The following ZUP1 variants were observed in gnomAD, a reference collection of about 807,000 sequenced individuals.
ZUP1 encodes the protein zinc finger containing ubiquitin peptidase 1.
In ZUP1, 55 loss-of-function variants were observed where a neutral mutation model predicts 68.1. The ratio of observed to expected loss-of-function variants is 0.81; its 90% CI spans 0.65 to 1.01. The LOEUF (loss-of-function observed/expected upper bound fraction) is 1.01, where lower values mean the gene tolerates loss of function less well. Ranked by LOEUF, ZUP1 falls within the 50% of genes least tolerant of loss-of-function variation. ZUP1 has a pLI of 0.00. For synonymous variants in ZUP1, 223 were observed against 221.5 expected (o/e 1.01, Z -0.06); for missense variants, 684 against 674.9 (o/e 1.01, Z -0.15).
At chr6:116,643,569 G>C (rs972770681) in intron 9 of ZUP1, among the ~76,000 whole-genome samples, 5 of 152,098 alleles carry the variant, frequency 3.3e-5, no homozygotes, top group African/African-American at 9.7e-5. Context: ...ACAAACCTGA[G>C]AAAAACAAGC....
At chr6:116,667,809 G>T (rs998028403) in intron 1 of ZUP1, among the ~76,000 whole-genome samples, 1 of 152,094 alleles carries the variant, frequency 6.6e-6, no homozygotes, top group Admixed American at 6.5e-5. Flanking sequence ...TGTACTCTCA[G>T]CCCCAAGAAT....
intron 5 of ZUP1, among the ~76,000 whole-genome samples, chr6:116,654,855 A>C (rs1272474958): frequency 1.3e-5 from 2 of 152,084 alleles, no homozygotes; most frequent in African/African-American, 4.8e-5. Flanking sequence ...TTAAATAGCA[A>C]AAATTTAAAA....
chr6:116,649,949 TAGAA>T (rs775069883), intron 7 of ZUP1, among the ~76,000 whole-genome samples: 3 of 151,596 alleles, frequency 2.0e-5, no homozygotes, highest in Non-Finnish European at 2.9e-5. Context: ...ATGCAGGCAA[TAGAA>T]AGAAAACATT....
chr6:116,639,876 G>A lies in ZUP1; in HGVS notation c.1690-3997C>T, dbSNP rs544903278. ...AAGTTGAGAGAAGAAGGCTTCAGAC[G>A]ATCAAACTACTCCGAGCTACAGGAT... On this transcript the variant is annotated intron_variant, in intron 9 of 9. Coordinates refer to ENST00000368576, the MANE Select transcript of ZUP1 (RefSeq NM_145062.3). 7.9e-5 allele frequency among the ~76,000 whole-genome samples: 12 copies of A among 152,316 alleles called. No individual in the cohort carries two copies. The South Asian group carries it at 8.3e-4, about 11-fold the overall frequency.
Position 116,652,016 on chromosome 6 carries a change from C to A in ZUP1, c.1138G>T (p.Asp380Tyr), listed in dbSNP as rs374013605. Residue 380 changes from aspartate to tyrosine, a missense_variant, in exon 6 of 10, where the codon GAT becomes TAT. Physicochemically the swap from Asp to Tyr is radical, Grantham distance 160 (BLOSUM62 -3). Transcript: ENST00000368576. ...SSLLQNDAYN[D>Y]CLKGMLIPCI... Reference sequence around the variant, plus strand: ...AGATTTCACATACCTTTTAAGCAATCGTTGTAAGCATCATTTTGTAATAAT... The same window carrying A: ...AGATTTCACATACCTTTTAAGCAATAGTTGTAAGCATCATTTTGTAATAAT... 1 of 1,613,644 alleles carries A rather than the reference C, an allele frequency of 6.2e-7. No individual in the cohort carries two copies.
At chr6:116,642,972 AAGCAACTTC>A (rs1176832806) in intron 9 of ZUP1, among the ~76,000 whole-genome samples, 1 of 152,228 alleles carries the variant, frequency 6.6e-6, no homozygotes, top group African/African-American at 2.4e-5. Flanking sequence ...TTAAGTTGAT[AAGCAACTTC>A]AGCAAAGTCT....
chr6:116,650,954 C>T (rs7743637), intron 7 of ZUP1, among the ~76,000 whole-genome samples: 55,206 of 151,744 alleles, frequency 0.36, 10,672 homozygotes, highest in African/African-American at 0.5. Flanking sequence ...AAAAATGCTA[C>T]ATGACAATAG....
In ZUP1 at chr6:116,645,810, G is replaced by T. The variant is rs1194216166; in HGVS notation, c.1593C>A (p.Ser531Arg). 1 of 1,613,882 alleles carries T rather than the reference G, an allele frequency of 6.2e-7. No homozygotes were observed. The highest frequency in any genetic ancestry group is 1.7e-5 in the Admixed American group (1 of 60,010). ...QKLLKQDIEA[S>R]SLKQLRKSMG... ...TAGATTTCCGAAGTTGCTTGAGACT[G>T]CTAGCCTCTATGTCTTGCTTTAATA... The change falls in exon 9 of 10, where the codon AGC becomes AGA. Residue 531 changes from serine to arginine, a missense_variant. Coordinates refer to ENST00000368576, the MANE Select transcript of ZUP1 (RefSeq NM_145062.3).
chr6:116,649,737 C>T (rs897391577), intron 7 of ZUP1, among the ~76,000 whole-genome samples: 5 of 152,258 alleles, frequency 3.3e-5, no homozygotes, highest in African/African-American at 1.2e-4. Context: ...AGTAACCTTC[C>T]GCCTTCCACC....
At position 116,650,422 on chromosome 6, in the gene ZUP1, C is replaced by CAAAAA. The variant is rs61692064; in HGVS notation, c.1316+1145_1316+1149dup. Among the ~76,000 whole-genome samples the CAAAAA allele has an allele frequency of 3.9e-3, 179 of 46,278 alleles. 3 individuals are homozygous for CAAAAA. Among genetic ancestry groups the CAAAAA allele is most frequent in the African/African-American group, 5.5e-3 (60 of 10,816 alleles). The allele number at this position is 46,278 out of a possible 152,430, so 30.4% of individuals were successfully genotyped here. ...GGGCAACACAGCAAAAACTCCGTCTCAAAAAAAAAAAAAAAAAAAAAAAGA... is the reference window on the plus strand; with the variant it reads ...GGGCAACACAGCAAAAACTCCGTCTCAAAAAAAAAAAAAAAAAAAAAAAAAAAAGA... On this transcript the variant is annotated intron_variant, in intron 7 of 9. Coordinates refer to ENST00000368576, the MANE Select transcript of ZUP1 (RefSeq NM_145062.3).
Position 116,666,937 on chromosome 6 carries a change from C to A in ZUP1, c.256G>T (p.Glu86Ter). The A allele has an allele frequency of 6.2e-7, 1 of 1,613,406 alleles. No homozygotes were observed. Among genetic ancestry groups the A allele is most frequent in the Non-Finnish European group, 8.5e-7 (1 of 1,179,762 alleles). ...KKDNTLQCGM[E>*]VNSSILSGCA... ...CCTGAAAGAATACTTGAATTAACTT[C>A]CATTCCACACTGTAGGGTGTTGTCT... Residue 86 changes from glutamate to a stop codon, truncating the protein, a stop_gained, in exon 2 of 10, where the codon GAA (glutamate) becomes TAA (stop). Coordinates refer to ENST00000368576, the MANE Select transcript of ZUP1 (RefSeq NM_145062.3). LOFTEE classifies it high-confidence loss of function.
At chr6:116,660,910 T>C in intron 2 of ZUP1, 64 bp from the exon 3 acceptor site, 1 of 995,268 alleles carries the variant, frequency 1.0e-6, no homozygotes, top group Non-Finnish European at 1.5e-6. Flanking sequence ...TTTGCTTTTT[T>C]TTTTTTTGAG....
intron 9 of ZUP1, among the ~76,000 whole-genome samples, chr6:116,645,093 ATACAG>A (rs1391646706): frequency 6.6e-6 from 1 of 151,918 alleles, no homozygotes; most frequent in South Asian, 2.1e-4. Context: ...TTTAATTAAC[ATACAG>A]TAAACTGCAC....
intron 9 of ZUP1, among the ~76,000 whole-genome samples, chr6:116,638,096 GTATCCCATGT>G (rs1298364227): frequency 6.8e-6 from 1 of 146,144 alleles, no homozygotes; most frequent in Non-Finnish European, 1.5e-5. Flanking sequence ...CCTTGCCTTT[GTATCCCATGT>G]TATGAGACTG....
intron 7 of ZUP1, among the ~76,000 whole-genome samples, chr6:116,650,963 A>T (rs951853406): frequency 7.9e-5 from 12 of 152,116 alleles, no homozygotes; most frequent in African/African-American, 2.9e-4. Context: ...ACATGACAAT[A>T]GCTGTAGATC....
At chr6:116,640,222 T>C (rs1202191534) in intron 9 of ZUP1, among the ~76,000 whole-genome samples, 1 of 152,136 alleles carries the variant, frequency 6.6e-6, no homozygotes, top group Non-Finnish European at 1.5e-5. Context: ...TTGGTGTACC[T>C]GAAAGTGACG....
chr6:116,666,598 G>A (rs1380127521), intron 2 of ZUP1, 36 bp downstream of exon 2: 7 of 1,492,674 alleles, frequency 4.7e-6, no homozygotes, highest in South Asian at 2.9e-5. Context: ...AATTGAGGCT[G>A]TAAACTTATA....
At chr6:116,641,727 A>G (rs543772011) in intron 9 of ZUP1, among the ~76,000 whole-genome samples, 2 of 152,352 alleles carry the variant, frequency 1.3e-5, no homozygotes, top group African/African-American at 4.8e-5. Flanking sequence ...AATGCCCACA[A>G]GAGAAAGCAG....
chr6:116,642,124 A>T lies in ZUP1; in HGVS notation c.1689+3590T>A, dbSNP rs1776123598. Among the ~76,000 whole-genome samples, 3 of 152,106 alleles carry T rather than the reference A, an allele frequency of 2.0e-5. No individual in the cohort carries two copies. The South Asian group carries it at 6.2e-4, about 32-fold the overall frequency. On this transcript the variant is annotated intron_variant, in intron 9 of 9. Coordinates refer to ENST00000368576, the MANE Select transcript of ZUP1 (RefSeq NM_145062.3). The stretch of plus-strand genomic sequence containing the variant: ...ATTCCTCGAAACATACATTCTCCCA[A>T]GACTAAATCAGGAAGAAGTTGAATC...
Sources: gnomAD v4.1 joint callset for allele counts (sites outside exome capture counted in the v4.1 genomes callset) on GRCh38, gnomAD v4.1.1 for gene constraint, MANE v1.5 for transcripts, NCBI Gene and HGNC (gene_info 2026-07-23, HGNC 2026-07-21) for gene names.